The following ZNF782 variants were observed in gnomAD, a reference collection of about 807,000 sequenced individuals.
ZNF782 encodes zinc finger protein 782.
ZNF782 carries 12 observed loss-of-function variants against 13.0 expected under a neutral mutation model. The observed-to-expected ratio is 0.92, with a 90% CI of 0.59 to 1.50. The LOEUF is 1.50. Ranked by LOEUF, ZNF782 falls within the 40% of genes most tolerant of loss-of-function variation. The pLI, the probability that ZNF782 is intolerant of heterozygous loss-of-function variation, is 0.00. For synonymous variants in ZNF782, 284 were observed against 283.0 expected (o/e 1.00, Z -0.04); for missense variants, 770 against 822.9 (o/e 0.94, Z 0.79).
chr9:96,820,263 G>T (rs1222883835), intron 5 of ZNF782, among the ~76,000 whole-genome samples: 2 of 152,200 alleles, frequency 1.3e-5, no homozygotes, highest in Admixed American at 6.5e-5. Flanking sequence ...TACAATGGTA[G>T]GATAATCATT....
intron 3 of ZNF782, among the ~76,000 whole-genome samples, chr9:96,851,473 T>C (rs567977154): frequency 1.3e-5 from 2 of 152,282 alleles, no homozygotes; most frequent in South Asian, 2.1e-4. Flanking sequence ...GAGACAACCA[T>C]GATACCCTAA....
the ZNF782 span, among the ~76,000 whole-genome samples, chr9:96,912,488 C>A: frequency 6.8e-6 from 1 of 147,352 alleles, no homozygotes; most frequent in Non-Finnish European, 1.5e-5. Context: ...AGTGAGTTTC[C>A]ATCTCAAAAA....
the ZNF782 span, among the ~76,000 whole-genome samples, chr9:96,886,214 A>G: frequency 1.3e-5 from 2 of 152,028 alleles, no homozygotes; most frequent in African/African-American, 4.8e-5. Context: ...TACAGAAAAA[A>G]AAAAAAAAAA....
the ZNF782 span, among the ~76,000 whole-genome samples, chr9:96,913,588 T>A: frequency 0.13 from 18,202 of 136,212 alleles, 1,912 homozygotes; most frequent in African/African-American, 0.33. Flanking sequence ...CAGTGGCATG[T>A]TCTTGGCTCG....
chr9:96,864,861 T>G (rs1370106425), intron 1 of ZNF782, among the ~76,000 whole-genome samples: 1 of 130,616 alleles, frequency 7.7e-6, no homozygotes, highest in African/African-American at 3.0e-5. Flanking sequence ...TGAGACCCTA[T>G]CTCCACAAAA....
chr9:96,929,972 A>G, the ZNF782 span, among the ~76,000 whole-genome samples: 2 of 152,008 alleles, frequency 1.3e-5, no homozygotes, highest in African/African-American at 4.8e-5. Flanking sequence ...AGACAGTCCT[A>G]TTATTATTAT....
the ZNF782 span, among the ~76,000 whole-genome samples, chr9:96,885,129 G>A: frequency 5.3e-5 from 8 of 151,394 alleles, no homozygotes; most frequent in Admixed American, 2.6e-4. Context: ...GCCAAGAATC[G>A]GAAAAATCCT....
intron 3 of ZNF782, among the ~76,000 whole-genome samples, chr9:96,847,371 A>T (rs1851370605): frequency 6.6e-6 from 1 of 152,142 alleles, no homozygotes; most frequent in South Asian, 2.1e-4. Context: ...CAAAATATCA[A>T]TGAAACAAAA....
At chr9:96,925,444 C>T in the ZNF782 span, among the ~76,000 whole-genome samples, 1 of 152,236 alleles carries the variant, frequency 6.6e-6, no homozygotes, top group East Asian at 1.9e-4. Flanking sequence ...TCGAGACCAG[C>T]CTGGCCAATA....
chr9:96,933,521 C>T, the ZNF782 span: 2 of 151,918 alleles, frequency 1.3e-5, no homozygotes, highest in South Asian at 2.1e-4. Flanking sequence ...CAGGTGCCCG[C>T]CACCATGCCC....
At chr9:96,825,999 CAGGG>C (rs1483055285) in intron 5 of ZNF782, among the ~76,000 whole-genome samples, 2 of 152,122 alleles carry the variant, frequency 1.3e-5, no homozygotes, top group Non-Finnish European at 2.9e-5. Context: ...GGCAATTCCT[CAGGG>C]ATCTAGAACT....
chr9:96,862,379 GAATT>G (rs553761758), intron 1 of ZNF782, among the ~76,000 whole-genome samples: 311 of 152,254 alleles, frequency 2.0e-3, no homozygotes, highest in Non-Finnish European at 3.7e-3. Context: ...TAGTATAATT[GAATT>G]ATTTGTAAAA....
upstream of ZNF782, among the ~76,000 whole-genome samples, chr9:96,879,800 G>A (rs1049331649): frequency 3.9e-5 from 6 of 152,336 alleles, no homozygotes; most frequent in African/African-American, 1.2e-4. Flanking sequence ...CTAATATGTA[G>A]TATGGTTGAT....
At chr9:96,843,599 CTG>C (rs1237923338) in intron 4 of ZNF782, among the ~76,000 whole-genome samples, 2 of 152,148 alleles carry the variant, frequency 1.3e-5, no homozygotes, top group African/African-American at 4.8e-5. Flanking sequence ...TGAATTGTAA[CTG>C]TGGTGGTTAC....
chr9:96,876,467 G>A (rs1366273237), upstream of ZNF782, among the ~76,000 whole-genome samples: 2 of 152,128 alleles, frequency 1.3e-5, no homozygotes, highest in Non-Finnish European at 1.5e-5. Flanking sequence ...TACAAAGGAA[G>A]AAAGAAAGAA....
chr9:96,899,423 G>C, the ZNF782 span, among the ~76,000 whole-genome samples: 5 of 152,116 alleles, frequency 3.3e-5, no homozygotes, highest in Admixed American at 2.6e-4. Flanking sequence ...TCTTTTTGTT[G>C]TTTAGTTGTA....
At chr9:96,881,248 T>A in the ZNF782 span, among the ~76,000 whole-genome samples, 4 of 152,232 alleles carry the variant, frequency 2.6e-5, no homozygotes, top group Middle Eastern at 3.4e-3. Flanking sequence ...TTTGTTTTTA[T>A]GTTTTCAATT....
chr9:96,917,887 C>CGTGTGTGTGTCTGTGTGTGTGTGTGT, the ZNF782 span, among the ~76,000 whole-genome samples: 93 of 121,716 alleles, frequency 7.6e-4, 1 homozygote, highest in Middle Eastern at 3.8e-3. Flanking sequence ...CCACCCTTGG[C>CGTGTGTGTGTCTGTGTGTGTGTGTGT]GTGTGTGTGT....
chr9:96,823,657 C>A (rs1242388762), intron 5 of ZNF782, among the ~76,000 whole-genome samples: 1 of 152,110 alleles, frequency 6.6e-6, no homozygotes, highest in African/African-American at 2.4e-5. Context: ...CAAATAAACA[C>A]TGAATTATTT....
Sources: gnomAD v4.1 joint callset for allele counts (sites outside exome capture counted in the v4.1 genomes callset) on GRCh38, gnomAD v4.1.1 for gene constraint, MANE v1.5 for transcripts, NCBI Gene and HGNC (gene_info 2026-07-23, HGNC 2026-07-21) for gene names.